Variants in ADAMTSL1 observed in about 807,000 individuals in gnomAD.
ADAMTSL1 encodes ADAMTS like 1.
A neutral mutation model predicts 201.8 loss-of-function variants in ADAMTSL1; 126 were observed. The observed-to-expected ratio is 0.62, with a 90% confidence interval of 0.54 to 0.72. The LOEUF (loss-of-function observed/expected upper bound fraction) is 0.72. Among genes scored for constraint, ADAMTSL1 ranks in the 30% least tolerant of loss-of-function variants. ADAMTSL1 has a pLI of 0.00. For missense variants in ADAMTSL1, 2,679 were observed against 2,277.8 expected (o/e 1.18, Z -3.59); for synonymous variants, 1,121 against 903.4 (o/e 1.24, Z -4.32).
chr9:18,622,331 T>C lies in ADAMTSL1; in HGVS notation c.563T>C (p.Val188Ala), dbSNP rs1332226331. Residue 188 changes from valine to alanine, a missense_variant, in exon 5 of 29, where the codon GTC becomes GCC. Physicochemically the swap from Val to Ala is moderately conservative, Grantham distance 64. Coordinates refer to ENST00000380548, the MANE Select transcript of ADAMTSL1 (RefSeq NM_001040272.6). ...GGAGATGGGTCCACCTGCCGGCTGG[T>C]CCGAGGGCAGTATAAATCCCAGCTC... The part of the protein sequence containing the change: ...CNGDGSTCRL[V>A]RGQYKSQLSA... 2 of 1,613,910 alleles carry C rather than the reference T, an allele frequency of 1.2e-6. No homozygotes were observed. The highest frequency in any genetic ancestry group is 1.7e-6 in the Non-Finnish European group (2 of 1,179,964).
rs376053970 is a variant in ADAMTSL1 at position 18,297,670 on chromosome 9, TCCCAAATACCTTTTGTAGC to T, written c.207+133693_207+133711del. On this transcript the variant is annotated intron_variant, in intron 2 of 29. Transcript: ENST00000680146. Reference sequence around the variant, plus strand: ...ATCTGTCTTTCGCTGCTGGTTAGGCTCCCAAATACCTTTTGTAGCCCCCTAGGGGTGAGTAGTGTCCCTT... The same window carrying T: ...ATCTGTCTTTCGCTGCTGGTTAGGCTCCCCTAGGGGTGAGTAGTGTCCCTT... Among the ~76,000 whole-genome samples, 615 of 152,334 alleles carry T rather than the reference TCCCAAATACCTTTTGTAGC, an allele frequency of 4.0e-3. 4 individuals carry two copies. The highest frequency in any genetic ancestry group is 0.014 in the African/African-American group (580 of 41,572).
intron 26 of ADAMTSL1, among the ~76,000 whole-genome samples, chr9:18,901,839 C>G (rs1830034909): frequency 6.6e-6 from 1 of 152,010 alleles, no homozygotes; most frequent in Admixed American, 6.6e-5. Context: ...GAATCAAACC[C>G]CCAAAGGCAT....
intron 1 of ADAMTSL1, among the ~76,000 whole-genome samples, chr9:18,119,876 CTT>C (rs1825426800): frequency 1.3e-5 from 2 of 152,142 alleles, no homozygotes; most frequent in South Asian, 4.1e-4. Flanking sequence ...ATAGCATGGT[CTT>C]TTAACTTTGG....
intron 1 of ADAMTSL1, among the ~76,000 whole-genome samples, chr9:18,022,221 C>G (rs555824645): frequency 6.6e-6 from 1 of 152,242 alleles, no homozygotes; most frequent in Admixed American, 6.5e-5. Flanking sequence ...AGGAAAGAAT[C>G]TGAAATCGAA....
chr9:18,705,391 T>C lies in ADAMTSL1; in HGVS notation c.1575-1356T>C, dbSNP rs188650666. Among the ~76,000 whole-genome samples, 70 of 152,352 alleles carry C rather than the reference T, an allele frequency of 4.6e-4. No individual in the cohort carries two copies. In the East Asian group the frequency reaches 0.011, roughly 23 times the overall value. On this transcript the variant is annotated intron_variant, in intron 13 of 28. Coordinates refer to ENST00000380548, the MANE Select transcript of ADAMTSL1 (RefSeq NM_001040272.6). The stretch of plus-strand genomic sequence containing the variant: ...ACTATTAGTGGTTGCTTCTGGGCTT[T>C]TTTTTCCTAGGCCCCTCTCAAGGTC...
chr9:18,487,121 C>T (rs1478562917), intron 1 of ADAMTSL1, among the ~76,000 whole-genome samples: 1 of 152,104 alleles, frequency 6.6e-6, no homozygotes, highest in Non-Finnish European at 1.5e-5. Context: ...TCTGAAATTC[C>T]TCAATTTATC....
At chr9:18,876,772 G>C (rs1828188194) in intron 23 of ADAMTSL1, among the ~76,000 whole-genome samples, 1 of 152,128 alleles carries the variant, frequency 6.6e-6, no homozygotes, top group African/African-American at 2.4e-5. Flanking sequence ...GGTGTTCTTT[G>C]AGCTTGTATT....
At chr9:18,595,024 A>G (rs375285093) in intron 4 of ADAMTSL1, among the ~76,000 whole-genome samples, 22 of 152,310 alleles carry the variant, frequency 1.4e-4, no homozygotes, top group East Asian at 9.7e-4. Flanking sequence ...AAGATGTCTC[A>G]GCACTAGAGG....
At chr9:18,226,765 C>T (rs1437450479) in intron 2 of ADAMTSL1, among the ~76,000 whole-genome samples, 2 of 151,990 alleles carry the variant, frequency 1.3e-5, no homozygotes, top group African/African-American at 4.8e-5. Context: ...GTGCCTAGGG[C>T]CCATTATACT....
intron 23 of ADAMTSL1, among the ~76,000 whole-genome samples, chr9:18,879,237 C>T (rs1177905876): frequency 6.6e-6 from 1 of 152,166 alleles, no homozygotes; most frequent in Non-Finnish European, 1.5e-5. Flanking sequence ...AAGGTTATTT[C>T]ATTCGAACAT....
intron 1 of ADAMTSL1, among the ~76,000 whole-genome samples, chr9:18,159,911 GTTTTTA>G (rs1406877357): frequency 6.6e-6 from 1 of 151,986 alleles, no homozygotes; most frequent in Non-Finnish European, 1.5e-5. Flanking sequence ...AGTGACTTTT[GTTTTTA>G]TTTTTAAACT....
chr9:18,239,374 AT>A (rs1830971290), intron 2 of ADAMTSL1, among the ~76,000 whole-genome samples: 1 of 152,208 alleles, frequency 6.6e-6, no homozygotes, highest in Non-Finnish European at 1.5e-5. Flanking sequence ...TTATGGAAAT[AT>A]TTTAAGTAAT....
chr9:18,583,148 A>G (rs542707264), intron 4 of ADAMTSL1, among the ~76,000 whole-genome samples: 9 of 152,330 alleles, frequency 5.9e-5, no homozygotes, highest in African/African-American at 2.2e-4. Context: ...ACCTGAAAAT[A>G]TGGAAGCAAC....
chr9:17,917,368 T>C (rs1005779477), intron 1 of ADAMTSL1, among the ~76,000 whole-genome samples: 1 of 152,118 alleles, frequency 6.6e-6, no homozygotes, highest in Admixed American at 6.5e-5. Context: ...TTTTTGTAGA[T>C]GCTCTTTATG....
intron 16 of ADAMTSL1, among the ~76,000 whole-genome samples, chr9:18,754,060 G>C (rs752486884): frequency 2.0e-5 from 3 of 152,104 alleles, no homozygotes; most frequent in African/African-American, 4.8e-5. Context: ...CAGCCCTCAA[G>C]CTAAATCTAG....
At chr9:18,326,418 T>G (rs1253871860) in intron 2 of ADAMTSL1, among the ~76,000 whole-genome samples, 4 of 132,196 alleles carry the variant, frequency 3.0e-5, no homozygotes, top group African/African-American at 5.5e-5. Flanking sequence ...TTTTCCTATA[T>G]GTAATTTTTT....
intron 23 of ADAMTSL1, among the ~76,000 whole-genome samples, chr9:18,880,541 T>G (rs997426659): frequency 1.4e-4 from 22 of 152,212 alleles, no homozygotes; most frequent in Non-Finnish European, 1.9e-4. Flanking sequence ...AAGAAGGCTT[T>G]TTCTCTGAGC....
rs748510615 is a variant in ADAMTSL1, at chr9:18,829,874, C to T, written c.4146C>T (p.Asp1382=). 4.8e-5 allele frequency: 77 copies of T among 1,613,888 alleles called. No homozygotes were observed. Among genetic ancestry groups the T allele is most frequent in the Non-Finnish European group, 6.4e-5 (75 of 1,179,900 alleles). ...DPPQVPTQLE[D]IRALLAATGP... The stretch of plus-strand genomic sequence containing the variant: ...CCCAAGTCCCCACACAGTTGGAAGA[C>T]ATCAGGGCCTTGCTCGCTGCCACTG... The change falls in exon 23 of 29, where the codon GAC becomes GAT. Residue 1382 remains aspartate, a synonymous_variant. Coordinates refer to ENST00000380548, the MANE Select transcript of ADAMTSL1 (RefSeq NM_001040272.6).
chr9:18,737,002 T>TC (rs1371631414), intron 15 of ADAMTSL1, among the ~76,000 whole-genome samples: 1 of 152,168 alleles, frequency 6.6e-6, no homozygotes, highest in African/African-American at 2.4e-5. Context: ...TAGAACTCTC[T>TC]CTGCCTGAAA....
Sources: gnomAD v4.1 joint callset for allele counts (sites outside exome capture counted in the v4.1 genomes callset) on GRCh38, gnomAD v4.1.1 for gene constraint, MANE v1.5 for transcripts, NCBI Gene and HGNC (gene_info 2026-07-23, HGNC 2026-07-21) for gene names.